The following KAZN variants were observed in gnomAD, a reference collection of about 807,000 sequenced individuals.
The protein encoded by KAZN is kazrin, periplakin interacting protein, also known as kazrin.
A neutral mutation model predicts 87.4 loss-of-function variants in KAZN; 40 were observed. The ratio of observed to expected loss-of-function variants is 0.46; its 90% confidence interval spans 0.36 to 0.60. KAZN has a LOEUF of 0.60. Among genes scored for constraint, KAZN ranks in the 20% least tolerant of loss-of-function variants. The probability of loss-of-function intolerance (pLI) is 0.00; values close to 1 mark genes in which losing one functional copy is unlikely to be tolerated. For synonymous variants in KAZN, 466 were observed against 458.3 expected, an observed-to-expected ratio of 1.02 and a Z score of -0.22; for missense variants, 898 against 1,073.9, an observed-to-expected ratio of 0.84 and a Z score of 2.29.
At chr1:14,971,774 C>T (rs900114083) in intron 2 of KAZN, among the ~76,000 whole-genome samples, 3 of 151,082 alleles carry the variant, frequency 2.0e-5, no homozygotes, top group African/African-American at 4.9e-5. Flanking sequence ...CTCCGCCTCC[C>T]GGGTTCACAC....
At chr1:14,205,213 G>T (rs1045513722) in intron 2 of KAZN, among the ~76,000 whole-genome samples, 5 of 152,160 alleles carry the variant, frequency 3.3e-5, no homozygotes, top group Non-Finnish European at 2.9e-5. Flanking sequence ...CCCAAAGAAG[G>T]CTGGAAAATG....
At chr1:14,644,563 A>G (rs1231516816) in intron 1 of KAZN, among the ~76,000 whole-genome samples, 1 of 151,856 alleles carries the variant, frequency 6.6e-6, no homozygotes, top group Admixed American at 6.6e-5. Context: ...GGGTTTCACC[A>G]TGTTAGCTAG....
At chr1:14,688,881 T>A (rs999421502) in intron 1 of KAZN, among the ~76,000 whole-genome samples, 4 of 152,224 alleles carry the variant, frequency 2.6e-5, no homozygotes, top group Non-Finnish European at 4.4e-5. Context: ...GTTTTTCTTT[T>A]TTAAAAATGC....
intron 2 of KAZN, among the ~76,000 whole-genome samples, chr1:14,988,703 GC>G (rs1553167979): frequency 6.6e-6 from 1 of 152,092 alleles, no homozygotes; most frequent in African/African-American, 2.4e-5. Flanking sequence ...CTCCACTGAT[GC>G]CCCCCCAGTT....
chr1:14,215,809 A>C (rs188998914), intron 2 of KAZN, among the ~76,000 whole-genome samples: 1 of 152,246 alleles, frequency 6.6e-6, no homozygotes, highest in East Asian at 1.9e-4. Context: ...TGGCTCTCTC[A>C]AGGCTTGTGC....
intron 1 of KAZN, among the ~76,000 whole-genome samples, chr1:14,663,653 A>G (rs1639331937): frequency 6.6e-6 from 1 of 152,218 alleles, no homozygotes; most frequent in Non-Finnish European, 1.5e-5. Context: ...CAAACAACAA[A>G]AAAACAAACA....
chr1:14,636,250 G>A (rs964524860), intron 1 of KAZN, among the ~76,000 whole-genome samples: 5 of 152,128 alleles, frequency 3.3e-5, no homozygotes, highest in African/African-American at 1.2e-4. Context: ...GAGGGGGTGG[G>A]GCTAGATGTA....
At chr1:13,968,420 C>A (rs1642020545) in intron 1 of KAZN, among the ~76,000 whole-genome samples, 1 of 152,200 alleles carries the variant, frequency 6.6e-6, no homozygotes, top group African/African-American at 2.4e-5. Flanking sequence ...GGCTTGAAGC[C>A]ATTGGCAGCT....
chr1:14,865,082 G>T (rs1051728580), intron 1 of KAZN, among the ~76,000 whole-genome samples: 1 of 152,128 alleles, frequency 6.6e-6, no homozygotes, highest in African/African-American at 2.4e-5. Flanking sequence ...TGGAATGTGT[G>T]AGAGGAAGCT....
intron 1 of KAZN, among the ~76,000 whole-genome samples, chr1:14,681,863 T>G (rs1410947489): frequency 1.3e-5 from 2 of 150,248 alleles, no homozygotes; most frequent in South Asian, 2.1e-4. Context: ...AGCTAATTTT[T>G]TGTATTTTTA....
At chr1:14,648,489 T>C (rs997010542) in intron 1 of KAZN, among the ~76,000 whole-genome samples, 2 of 152,194 alleles carry the variant, frequency 1.3e-5, no homozygotes, top group African/African-American at 4.8e-5. Context: ...ACATCTGATT[T>C]TAGCTGATCT....
intron 1 of KAZN, among the ~76,000 whole-genome samples, chr1:14,151,509 A>G (rs1211254843): frequency 1.3e-5 from 2 of 152,184 alleles, no homozygotes; most frequent in Non-Finnish European, 2.9e-5. Context: ...AAGTTAAGGA[A>G]TTGGTTGAAC....
At chr1:14,260,958 C>G (rs111578043) in intron 2 of KAZN, among the ~76,000 whole-genome samples, 1 of 152,098 alleles carries the variant, frequency 6.6e-6, no homozygotes, top group Non-Finnish European at 1.5e-5. Context: ...CTTGCTAACA[C>G]GACAATGATA....
intron 1 of KAZN, among the ~76,000 whole-genome samples, chr1:14,163,271 G>A (rs1026356693): frequency 6.6e-5 from 10 of 152,178 alleles, no homozygotes; most frequent in Non-Finnish European, 1.5e-4. Context: ...ACTTGGAAGA[G>A]GGCCAAGCGG....
intron 1 of KAZN, among the ~76,000 whole-genome samples, chr1:14,823,591 T>C (rs1469880065): frequency 1.3e-5 from 2 of 152,100 alleles, no homozygotes; most frequent in African/African-American, 4.8e-5. Flanking sequence ...CAGGGGACAG[T>C]CCTATACAAT....
intron 1 of KAZN, among the ~76,000 whole-genome samples, chr1:14,827,990 T>C (rs1044244494): frequency 1.3e-5 from 2 of 152,210 alleles, no homozygotes; most frequent in Admixed American, 1.3e-4. Flanking sequence ...TTAAATAACA[T>C]TGCTGGAAAC....
chr1:14,058,453 G>GA (rs1378222106), intron 1 of KAZN, among the ~76,000 whole-genome samples: 2 of 152,054 alleles, frequency 1.3e-5, no homozygotes, highest in African/African-American at 4.8e-5. Flanking sequence ...TAAAGAAGAA[G>GA]AAAAAAACCC....
chr1:14,552,005 C>CT (rs1438069426), intron 2 of KAZN, among the ~76,000 whole-genome samples: 3 of 152,042 alleles, frequency 2.0e-5, no homozygotes, highest in African/African-American at 7.2e-5. Context: ...TCCTTTCTTT[C>CT]TTTTTTTCTT....
intron 8 of KAZN, among the ~76,000 whole-genome samples, chr1:15,076,382 T>G (rs1302855321): frequency 2.0e-5 from 3 of 152,220 alleles, no homozygotes; most frequent in Non-Finnish European, 4.4e-5. Flanking sequence ...GGCCTCGGCT[T>G]CGGAGCTAGA....
Sources: gnomAD v4.1 joint callset for allele counts (sites outside exome capture counted in the v4.1 genomes callset) on GRCh38, gnomAD v4.1.1 for gene constraint, MANE v1.5 for transcripts, NCBI Gene and HGNC (gene_info 2026-07-23, HGNC 2026-07-21) for gene names.